Variants in SULF2 observed in about 807,000 individuals in gnomAD.
SULF2 encodes sulfatase 2, also known as extracellular sulfatase Sulf-2.
A neutral mutation model predicts 107.7 loss-of-function variants in SULF2; 52 were observed. The ratio of observed to expected loss-of-function variants is 0.48; its 90% CI spans 0.39 to 0.61. SULF2 has a LOEUF of 0.61. SULF2 is among the 20% of genes least tolerant of loss of function. The pLI is 0.00. For missense variants in SULF2, 993 were observed against 1,177.3 expected (o/e 0.84, Z 2.29); for synonymous variants, 460 against 464.3 (o/e 0.99, Z 0.12).
intron 5 of SULF2, among the ~76,000 whole-genome samples, chr20:47,689,047 C>T (rs972336159): frequency 6.6e-6 from 1 of 152,282 alleles, no homozygotes; most frequent in East Asian, 1.9e-4. Flanking sequence ...TAGAGTACTA[C>T]AGGGGTGGGC....
intron 4 of SULF2, among the ~76,000 whole-genome samples, chr20:47,695,377 A>G (rs1007881135): frequency 9.2e-5 from 14 of 152,200 alleles, no homozygotes; most frequent in Non-Finnish European, 1.6e-4. Flanking sequence ...TGTACAGCAG[A>G]TCTCTGGAAC....
upstream of SULF2, chr20:47,786,517 AATC>A (rs1303313217): frequency 6.6e-6 from 1 of 152,192 alleles, no homozygotes; most frequent in African/African-American, 2.4e-5. Flanking sequence ...CCCGCAGCTC[AATC>A]GCAGGGCAAA....
chr20:47,666,094 G>A lies in SULF2; in HGVS notation c.1806-141C>T, dbSNP rs2087257503. 3 of 1,610,638 alleles carry A rather than the reference G, an allele frequency of 1.9e-6. No individual in the cohort carries two copies. Among genetic ancestry groups the A allele is most frequent in the Non-Finnish European group, 1.7e-6 (2 of 1,177,480 alleles). ...CTTCCACCTGGACACTCACCGATGT[G>A]TCACTTTAATGGGGTTGGCGGCTGA... On this transcript the variant is annotated intron_variant, in intron 12 of 20. Coordinates refer to ENST00000688720, the MANE Select transcript of SULF2 (RefSeq NM_001387048.1). The surrounding 1 kb of genome is among the most constrained non-coding windows in gnomAD (Gnocchi z 5.4).
At chr20:47,718,712 A>C (rs902198291) in intron 3 of SULF2, among the ~76,000 whole-genome samples, 10 of 152,152 alleles carry the variant, frequency 6.6e-5, no homozygotes, top group Non-Finnish European at 1.2e-4. Context: ...TTTTGGTCCA[A>C]GCAATGAGGA....
chr20:47,727,871 T>C (rs895577991), intron 3 of SULF2, among the ~76,000 whole-genome samples: 4 of 152,246 alleles, frequency 2.6e-5, no homozygotes, highest in African/African-American at 9.6e-5. Context: ...GTGCTTCACT[T>C]ATTTTGAAAT....
chr20:47,747,900 G>A (rs893273207), intron 2 of SULF2, among the ~76,000 whole-genome samples: 14 of 152,060 alleles, frequency 9.2e-5, no homozygotes, highest in African/African-American at 3.4e-4. Context: ...AAGCAGCACC[G>A]GAATCCACCC....
intron 3 of SULF2, among the ~76,000 whole-genome samples, chr20:47,724,468 G>A (rs2089383524): frequency 6.6e-6 from 1 of 152,204 alleles, no homozygotes; most frequent in Admixed American, 6.5e-5. Flanking sequence ...GGGTGTTGGT[G>A]GCATGGAGGG....
chr20:47,738,224 G>A (rs149105557), intron 2 of SULF2, among the ~76,000 whole-genome samples: 1 of 152,362 alleles, frequency 6.6e-6, no homozygotes, highest in Non-Finnish European at 1.5e-5. Context: ...CTGCTGCCGT[G>A]TGTGACACAC....
intron 2 of SULF2, among the ~76,000 whole-genome samples, chr20:47,741,430 T>C (rs1034205593): frequency 6.6e-6 from 1 of 152,056 alleles, no homozygotes; most frequent in Non-Finnish European, 1.5e-5. Flanking sequence ...AAAGTTCCCT[T>C]CTCCGTGGAG....
chr20:47,711,041 A>G (rs1156955109), intron 3 of SULF2, among the ~76,000 whole-genome samples: 1 of 152,224 alleles, frequency 6.6e-6, no homozygotes, highest in Non-Finnish European at 1.5e-5. Flanking sequence ...AACCTGGCAC[A>G]GGGGCACACA....
intron 4 of SULF2, 111 bp downstream of exon 4, chr20:47,702,408 C>T (rs1602682898): frequency 6.9e-6 from 9 of 1,306,298 alleles, no homozygotes; most frequent in African/African-American, 2.9e-5. Context: ...CTCAAGGTCA[C>T]ACTTTTAAGT....
intron 4 of SULF2, 75 bp downstream of exon 4, chr20:47,702,444 T>A: frequency 6.5e-7 from 1 of 1,532,888 alleles, no homozygotes; most frequent in Non-Finnish European, 8.8e-7. Flanking sequence ...TGAACCCAAG[T>A]AGTCTGGCTC....
At chr20:47,776,855 G>C (rs949776378) in intron 1 of SULF2, among the ~76,000 whole-genome samples, 5 of 152,216 alleles carry the variant, frequency 3.3e-5, no homozygotes, top group African/African-American at 1.2e-4. Flanking sequence ...CACCTGCTTA[G>C]CTTTTTGCAA....
chr20:47,762,354 G>A (rs1329509294), intron 1 of SULF2, among the ~76,000 whole-genome samples: 1 of 152,212 alleles, frequency 6.6e-6, no homozygotes, highest in African/African-American at 2.4e-5. Context: ...ACCAATCACA[G>A]GAAAACCTTT....
At chr20:47,715,888 G>A (rs922492275) in intron 3 of SULF2, among the ~76,000 whole-genome samples, 3 of 152,184 alleles carry the variant, frequency 2.0e-5, no homozygotes, top group African/African-American at 7.2e-5. Context: ...TGAGAACGTA[G>A]ATTTGTTTTT....
intron 18 of SULF2, chr20:47,661,550 G>A (rs1248642969): frequency 2.6e-6 from 1 of 387,284 alleles, no homozygotes; most frequent in African/African-American, 2.1e-5. Context: ...GGAATTCCGT[G>A]TGTTTCCTGG....
chr20:47,665,859 C>G lies in SULF2; in HGVS notation c.1900G>C (p.Glu634Gln), dbSNP rs755234583. The change falls in exon 13 of 21, where the codon GAG (glutamate) becomes CAG (glutamine). Residue 634 changes from glutamate to glutamine, a missense_variant and splice_region_variant. Physicochemically the swap from Glu to Gln is conservative, Grantham distance 29. Coordinates refer to ENST00000688720, the MANE Select transcript of SULF2 (RefSeq NM_001387048.1). Reference sequence around the variant, plus strand: ...CTCCTCTCCCGCTCTCCACTCACCTCGTGGTCGATGTGCAGCTTGTGGTCT... The same window carrying G: ...CTCCTCTCCCGCTCTCCACTCACCTGGTGGTCGATGTGCAGCTTGTGGTCT... ...WKDHKLHIDH[E>Q]IETLQNKIKN... 2 of 1,613,582 alleles carry G rather than the reference C, an allele frequency of 1.2e-6. No individual in the cohort carries two copies. Among genetic ancestry groups the G allele is most frequent in the South Asian group, 1.1e-5 (1 of 91,086 alleles).
intron 4 of SULF2, among the ~76,000 whole-genome samples, chr20:47,698,493 G>T (rs1414639791): frequency 1.3e-5 from 2 of 151,352 alleles, no homozygotes; most frequent in African/African-American, 4.8e-5. Flanking sequence ...TATAAGGAAG[G>T]CCGCACTGCT....
intron 3 of SULF2, among the ~76,000 whole-genome samples, chr20:47,728,493 G>A (rs2089507510): frequency 6.6e-6 from 1 of 152,048 alleles, no homozygotes; most frequent in Admixed American, 6.6e-5. Context: ...GAAGAGATGG[G>A]GGTGGGCTGC....
Sources: allele counts gnomAD v4.1 joint callset (sites outside exome capture counted in the v4.1 genomes callset), GRCh38; gene constraint gnomAD v4.1.1; non-coding constraint Gnocchi (gnomAD v3.1); transcripts MANE v1.5; gene names NCBI Gene and HGNC (gene_info 2026-07-23, HGNC 2026-07-21).